The following COL4A6 variants were observed in gnomAD, a reference collection of about 807,000 sequenced individuals.
COL4A6 encodes collagen alpha-6(IV) chain.
In COL4A6, 59 loss-of-function variants were observed where a neutral mutation model predicts 126.7. The ratio of observed to expected loss-of-function variants is 0.47; its 90% CI spans 0.38 to 0.58. The LOEUF is 0.58. COL4A6 is among the 20% of genes least tolerant of loss of function. COL4A6 has a pLI of 0.00. For synonymous variants in COL4A6, 547 were observed against 496.6 expected (o/e 1.10, Z -1.35); for missense variants, 1,285 against 1,337.3 (o/e 0.96, Z 0.61).
At chrX:108,170,963 C>A (rs2034283019) in intron 33 of COL4A6, 46 bp from the exon 34 acceptor site, 2 of 1,037,713 alleles carry the variant, frequency 1.9e-6, no homozygotes, top group East Asian at 6.0e-5. Context: ...ATATTTCTAG[C>A]AGTGTATTCC....
At chrX:108,424,257 T>C (rs1330934635) in intron 2 of COL4A6, among the ~76,000 whole-genome samples, 1 of 111,383 alleles carries the variant, frequency 9.0e-6, no homozygotes, top group Non-Finnish European at 1.9e-5. Flanking sequence ...CTGTATGGGG[T>C]GGCAGCACTC....
rs1338179516 is a variant in COL4A6 at position 108,293,664 on chromosome X, C to T, written c.144+17084G>A. Among the ~76,000 whole-genome samples the T allele has an allele frequency of 3.6e-5, 4 of 111,566 alleles. No homozygotes were observed. The East Asian group carries it at 1.1e-3, about 31-fold the overall frequency. ...TTTACTCAGGCAGGTTATACCCAAC[C>T]TGACACTGTACAAGTCCAGGTTATA... On this transcript the variant is annotated intron_variant, in intron 3 of 44. Coordinates refer to ENST00000334504, the MANE Select transcript of COL4A6 (RefSeq NM_033641.4).
rs765259449 is a variant in COL4A6, at chrX:108,209,997, G to T, written c.518C>A (p.Pro173His). 8.3e-7 allele frequency: 1 copy of T among 1,209,328 alleles called. No homozygotes were observed. The highest frequency in any genetic ancestry group is 1.1e-6 in the Non-Finnish European group (1 of 894,119). The change falls in exon 8 of 45, where the codon CCT (proline) becomes CAT (histidine). Residue 173 changes from proline to histidine, a missense_variant. Physicochemically the swap from Pro to His is moderately conservative, Grantham distance 77 (BLOSUM62 -2). Transcript: ENST00000334504. ...GATTCCATCCAGTCCAGGCAGCCCA[G>T]GATCCCCCTGAGAAACAAAGGCAGG... ...PGSFKGMKGDPGLPGLDGITG... is the reference protein window; with the variant it reads ...PGSFKGMKGDHGLPGLDGITG...
chrX:108,318,513 A>C (rs1186918660), intron 2 of COL4A6, among the ~76,000 whole-genome samples: 1 of 111,335 alleles, frequency 9.0e-6, no homozygotes, highest in Non-Finnish European at 1.9e-5. Context: ...GCTGATAAGC[A>C]ACTTCAGCAA....
At chrX:108,381,218 C>G (rs1362148853) in intron 2 of COL4A6, among the ~76,000 whole-genome samples, 1 of 111,283 alleles carries the variant, frequency 9.0e-6, no homozygotes, top group East Asian at 2.8e-4. Flanking sequence ...TAACTCATCC[C>G]AAAAGGGATA....
intron 2 of COL4A6, among the ~76,000 whole-genome samples, chrX:108,329,811 G>A (rs1036450389): frequency 2.7e-5 from 3 of 110,663 alleles, no homozygotes; most frequent in East Asian, 2.8e-4. Flanking sequence ...GTAAATGGAC[G>A]GATTAAGGTG....
At chrX:108,218,116 C>T in intron 5 of COL4A6, among the ~76,000 whole-genome samples, 1 of 112,185 alleles carries the variant, frequency 8.9e-6, no homozygotes, top group Admixed American at 9.4e-5. Context: ...TTGGAAACAG[C>T]CTTAGCCTCA....
intron 2 of COL4A6, among the ~76,000 whole-genome samples, chrX:108,406,379 C>G (rs1166092651): frequency 8.9e-6 from 1 of 112,441 alleles, no homozygotes; most frequent in East Asian, 2.8e-4. Context: ...CCCAACATTT[C>G]TACTAACCTT....
At chrX:108,159,788 G>C (rs1569320409) in intron 43 of COL4A6, 40 bp from the exon 44 acceptor site, 1 of 1,197,120 alleles carries the variant, frequency 8.4e-7, no homozygotes, top group African/African-American at 1.8e-5. Flanking sequence ...GGGAGGTCTG[G>C]CTGAGGGGCT....
chrX:108,293,269 G>T (rs2038226464), intron 3 of COL4A6, among the ~76,000 whole-genome samples: 1 of 111,299 alleles, frequency 9.0e-6, no homozygotes, highest in South Asian at 3.8e-4. Flanking sequence ...AAATGGAGAG[G>T]ATGATACCAC....
chrX:108,165,715 T>C (rs1483660612), intron 37 of COL4A6, among the ~76,000 whole-genome samples: 1 of 112,336 alleles, frequency 8.9e-6, no homozygotes, highest in East Asian at 2.8e-4. Context: ...CTGCATTTTA[T>C]TGGAAAGTTC....
intron 3 of COL4A6, among the ~76,000 whole-genome samples, chrX:108,262,754 T>A (rs1376337121): frequency 3.6e-5 from 4 of 111,252 alleles, no homozygotes; most frequent in African/African-American, 1.3e-4. Context: ...CAATCACGGA[T>A]TGGTGGTTAA....
At chrX:108,268,784 T>C (rs768961161) in intron 3 of COL4A6, 13 of 151,825 alleles carry the variant, frequency 8.6e-5, no homozygotes, top group Admixed American at 3.9e-4. Flanking sequence ...AACGCAGACA[T>C]TGTTTGAATT....
intron 2 of COL4A6, among the ~76,000 whole-genome samples, chrX:108,393,925 G>A (rs2040895421): frequency 9.0e-6 from 1 of 111,533 alleles, no homozygotes; most frequent in African/African-American, 3.3e-5. Context: ...CCATTATTGG[G>A]TATGTACCCA....
intron 13 of COL4A6, among the ~76,000 whole-genome samples, chrX:108,199,079 G>A (rs746132922): frequency 1.2e-4 from 13 of 111,417 alleles, no homozygotes; most frequent in Non-Finnish European, 3.8e-5. Context: ...AGGGATGTTT[G>A]GTCACTGCAG....
At chrX:108,368,054 C>T (rs1486945515) in intron 2 of COL4A6, among the ~76,000 whole-genome samples, 3 of 109,650 alleles carry the variant, frequency 2.7e-5, no homozygotes, top group Non-Finnish European at 5.7e-5. Context: ...CCATCTAGCC[C>T]AGCCCAGCAC....
At position 108,204,366 on chromosome X, in the gene COL4A6, C is replaced by T. The variant is rs376659436; in HGVS notation, c.734G>A (p.Gly245Glu). 8.3e-7 allele frequency: 1 copy of T among 1,207,173 alleles called. No homozygotes were observed. Residue 245 changes from glycine (G) to glutamate (E), a missense_variant, in exon 12 of 45, where the codon GGA (glycine) becomes GAA (glutamate). By Grantham distance (98) the Gly-to-Glu change is moderately conservative. Coordinates refer to ENST00000334504, the MANE Select transcript of COL4A6 (RefSeq NM_033641.4). ...GGGGAATCCCATGAATTCCAGCTCT[C>T]CAGTAGATGGTGGAGGTCCTGCTGG... Reference protein sequence around the residue: ...PGPAGPPPSTGELEFMGFPKG... With the variant: ...PGPAGPPPSTEELEFMGFPKG...
At chrX:108,312,242 T>C (rs2038780474) in intron 2 of COL4A6, among the ~76,000 whole-genome samples, 1 of 112,311 alleles carries the variant, frequency 8.9e-6, no homozygotes, top group Non-Finnish European at 1.9e-5. Flanking sequence ...TAGAGAGCAC[T>C]GTGAATTTCT....
chrX:108,175,576 G>A, intron 29 of COL4A6, 78 bp downstream of exon 29: 1 of 1,039,888 alleles, frequency 9.6e-7, no homozygotes, highest in Non-Finnish European at 1.3e-6. Flanking sequence ...CAAACCACAG[G>A]AATAACCAAG....
Sources: gnomAD v4.1 joint callset for allele counts (sites outside exome capture counted in the v4.1 genomes callset) on GRCh38, gnomAD v4.1.1 for gene constraint, MANE v1.5 for transcripts, NCBI Gene and HGNC (gene_info 2026-07-23, HGNC 2026-07-21) for gene names.